The following SMIM10L3 variants were observed in gnomAD, a reference collection of about 807,000 sequenced individuals.
The protein encoded by SMIM10L3 is salivary gland specific protein SAGSIN1.
chr7:6,342,437 C>G, the SMIM10L3 span, among the ~76,000 whole-genome samples: 1 of 151,728 alleles, frequency 6.6e-6, no homozygotes, highest in East Asian at 2.0e-4. Context: ...CCCAGCTACT[C>G]GGGAGGCAGG....
At chr7:6,330,266 C>T in the SMIM10L3 span, 1 of 1,109,786 alleles carries the variant, frequency 9.0e-7, no homozygotes, top group Non-Finnish European at 1.3e-6. Context: ...TCGTACAAAA[C>T]TACAGCAGGA....
the SMIM10L3 span, chr7:6,331,375 C>G: frequency 1.7e-6 from 1 of 605,704 alleles, no homozygotes; most frequent in Non-Finnish European, 2.9e-6. Flanking sequence ...ATTGGTAAGG[C>G]TGGTTTTGAA....
the SMIM10L3 span, chr7:6,330,277 AC>A: frequency 0.029 from 34,671 of 1,175,516 alleles, 633 homozygotes; most frequent in Middle Eastern, 0.067. Context: ...TACAGCAGGA[AC>A]CTAAGGGCTG....
At chr7:6,345,719 G>A in the SMIM10L3 span, among the ~76,000 whole-genome samples, 1 of 151,992 alleles carries the variant, frequency 6.6e-6, no homozygotes, top group Admixed American at 6.6e-5. Context: ...GACACTTTTT[G>A]TTTTGCCCTC....
chr7:6,337,777 C>T, the SMIM10L3 span, among the ~76,000 whole-genome samples: 2 of 150,476 alleles, frequency 1.3e-5, no homozygotes, highest in African/African-American at 4.9e-5. Context: ...ATTCTCTCAT[C>T]AAAAAGATTT....
At chr7:6,340,261 T>G in the SMIM10L3 span, among the ~76,000 whole-genome samples, 2 of 152,104 alleles carry the variant, frequency 1.3e-5, no homozygotes, top group East Asian at 1.9e-4. Context: ...CTGACTAGCA[T>G]CCTAAGGGCA....
At chr7:6,330,678 T>G in the SMIM10L3 span, 1 of 1,614,102 alleles carries the variant, frequency 6.2e-7, no homozygotes, top group Non-Finnish European at 8.5e-7. Context: ...CCGGCACTTT[T>G]TGATGGCGTG....
the SMIM10L3 span, chr7:6,331,329 A>T: frequency 1.5e-6 from 1 of 661,642 alleles, no homozygotes; most frequent in African/African-American, 1.8e-5. Context: ...AAACACTGAG[A>T]TCTTTATGAC....
the SMIM10L3 span, among the ~76,000 whole-genome samples, chr7:6,340,674 C>T: frequency 2.0e-5 from 3 of 151,548 alleles, no homozygotes; most frequent in Non-Finnish European, 2.9e-5. Context: ...CCGAGGCGGG[C>T]GGATCACGAG....
chr7:6,341,360 G>A, the SMIM10L3 span, among the ~76,000 whole-genome samples: 198 of 149,748 alleles, frequency 1.3e-3, no homozygotes, highest in Non-Finnish European at 2.1e-3. Flanking sequence ...GGAGAATGGT[G>A]TGAACCGGGA....
the SMIM10L3 span, chr7:6,348,634 A>C: frequency 2.0e-6 from 1 of 504,768 alleles, no homozygotes; most frequent in Non-Finnish European, 3.6e-6. Flanking sequence ...GTTGATACGC[A>C]GCCGCCAGGC....
chr7:6,331,217 A>C, the SMIM10L3 span: 2 of 1,479,086 alleles, frequency 1.4e-6, no homozygotes, highest in Non-Finnish European at 1.8e-6. Flanking sequence ...GAGGGCCTTC[A>C]ATGGATCTCA....
the SMIM10L3 span, among the ~76,000 whole-genome samples, chr7:6,332,105 A>G: frequency 7.8e-6 from 1 of 128,880 alleles, no homozygotes; most frequent in African/African-American, 3.8e-5. Context: ...GCTAGACTCC[A>G]TCTCACGGAA....
the SMIM10L3 span, among the ~76,000 whole-genome samples, chr7:6,333,649 C>T: frequency 6.7e-6 from 1 of 149,488 alleles, no homozygotes; most frequent in Non-Finnish European, 1.5e-5. Context: ...CAGGCAGGCA[C>T]CACCACACCT....
the SMIM10L3 span, among the ~76,000 whole-genome samples, chr7:6,335,065 C>A: frequency 6.6e-6 from 1 of 151,614 alleles, no homozygotes; most frequent in African/African-American, 2.4e-5. Flanking sequence ...CCGCACCCAG[C>A]CAGTGGTTAT....
chr7:6,346,012 G>A, the SMIM10L3 span, among the ~76,000 whole-genome samples: 3 of 151,926 alleles, frequency 2.0e-5, no homozygotes, highest in African/African-American at 4.8e-5. Flanking sequence ...CAAGTGATCC[G>A]CCTGCTTCAG....
At chr7:6,330,464 G>C in the SMIM10L3 span, 1 of 1,614,016 alleles carries the variant, frequency 6.2e-7, no homozygotes, top group African/African-American at 1.3e-5. Flanking sequence ...GTGCTTTTAA[G>C]CATTTTCTTG....
At chr7:6,338,891 G>A in the SMIM10L3 span, among the ~76,000 whole-genome samples, 9 of 152,306 alleles carry the variant, frequency 5.9e-5, no homozygotes, top group East Asian at 1.9e-4. Flanking sequence ...GCAGGGCCGC[G>A]GTGGGCCTTG....
chr7:6,333,942 G>T, the SMIM10L3 span, among the ~76,000 whole-genome samples: 1 of 150,004 alleles, frequency 6.7e-6, no homozygotes, highest in African/African-American at 2.5e-5. Context: ...CACCTCCCGG[G>T]TTCACGCCAT....
Sources: allele counts gnomAD v4.1 joint callset (sites outside exome capture counted in the v4.1 genomes callset), GRCh38; gene constraint gnomAD v4.1.1; transcripts MANE v1.5; gene names NCBI Gene and HGNC (gene_info 2026-07-23, HGNC 2026-07-21).